L3MBTL3: variants seen among roughly 807,000 people sequenced by gnomAD.
L3MBTL3 encodes the protein L3MBTL histone methyl-lysine binding protein 3, also known as lethal(3)malignant brain tumor-like protein 3.
A neutral mutation model predicts 102.3 loss-of-function variants in L3MBTL3; 27 were observed. The observed-to-expected ratio is 0.26, with a 90% confidence interval of 0.19 to 0.36. L3MBTL3 has a LOEUF of 0.36. Ranked by LOEUF, L3MBTL3 falls within the 10% of genes least tolerant of loss-of-function variation. L3MBTL3 has a pLI of 1.00. For synonymous variants in L3MBTL3, 340 were observed against 320.9 expected, an observed-to-expected ratio of 1.06 and a Z score of -0.64; for missense variants, 798 against 955.3, an observed-to-expected ratio of 0.84 and a Z score of 2.17.
At chr6:130,044,061 A>G (rs1780587980) in intron 3 of L3MBTL3, among the ~76,000 whole-genome samples, 1 of 152,200 alleles carries the variant, frequency 6.6e-6, no homozygotes, top group African/African-American at 2.4e-5. Flanking sequence ...ACATTCTCCA[A>G]ATATTCATCT....
At chr6:130,056,390 A>G (rs1287898239) in intron 8 of L3MBTL3, among the ~76,000 whole-genome samples, 1 of 152,126 alleles carries the variant, frequency 6.6e-6, no homozygotes, top group Non-Finnish European at 1.5e-5. Flanking sequence ...GTCCCCCACA[A>G]GGCTCTATCC....
At chr6:130,118,763 A>G (rs1031015279) in intron 19 of L3MBTL3, among the ~76,000 whole-genome samples, 4 of 152,236 alleles carry the variant, frequency 2.6e-5, no homozygotes, top group Admixed American at 2.6e-4. Context: ...ACATGCTTCT[A>G]TAATGAAGCA....
intron 13 of L3MBTL3, 133 bp from the exon 14 acceptor site, chr6:130,078,425 T>C: frequency 1.8e-6 from 1 of 567,810 alleles, no homozygotes; most frequent in Non-Finnish European, 3.1e-6. Flanking sequence ...TTAGCATTTT[T>C]TTCCAAATTA....
Position 130,133,669 on chromosome 6 carries a change from G to C in L3MBTL3, c.2136+48G>C. ...CCCGACACCAGATACAGGATTACTG[G>C]CTTAAGAGGTGTGGAACATTGAGCG... On this transcript the variant is annotated intron_variant, in intron 21 of 22. Transcript: ENST00000361794. This position sits in a 1 kb window ranked among gnomAD's most constrained non-coding sequence, Gnocchi z 4.9. 5 of 1,600,972 alleles carry C rather than the reference G, an allele frequency of 3.1e-6. No individual in the cohort carries two copies. The highest frequency in any genetic ancestry group is 4.3e-6 in the Non-Finnish European group (5 of 1,172,826).
At chr6:130,075,620 G>T (rs1433443597) in intron 13 of L3MBTL3, among the ~76,000 whole-genome samples, 1 of 152,166 alleles carries the variant, frequency 6.6e-6, no homozygotes, top group Non-Finnish European at 1.5e-5. Flanking sequence ...GAGAAGTTTA[G>T]TGCTGAAGGC....
Position 130,086,182 on chromosome 6 carries a change from G to T in L3MBTL3, c.1450G>T (p.Val484Leu), listed in dbSNP as rs756848548. ...GFQKKMKLEV[V>L]DKRNPMFIRV... ...CCAGAAAAAAATGAAGCTTGAGGTT[G>T]TAGACAAAAGGAACCCTATGTTTAT... is the stretch of plus-strand genomic sequence containing the variant. Residue 484 changes from valine (V) to leucine (L), a missense_variant, in exon 16 of 23, where the codon GTA becomes TTA. By Grantham distance (32) the Val-to-Leu change is conservative. Coordinates refer to ENST00000361794, the MANE Select transcript of L3MBTL3 (RefSeq NM_032438.4). The T allele has an allele frequency of 9.3e-6, 15 of 1,613,144 alleles. No homozygotes were observed. The Admixed American group carries it at 1.7e-4, about 18-fold the overall frequency.
chr6:130,020,077 A>G (rs1193536027), intron 1 of L3MBTL3, among the ~76,000 whole-genome samples: 1 of 145,956 alleles, frequency 6.9e-6, no homozygotes, highest in African/African-American at 2.5e-5. Context: ...CAACTTGTTT[A>G]CGCCTGCCTT....
At chr6:130,052,395 G>A (rs573843438) in intron 6 of L3MBTL3, among the ~76,000 whole-genome samples, 19 of 152,246 alleles carry the variant, frequency 1.2e-4, no homozygotes, top group African/African-American at 4.6e-4. Context: ...GTGAGCCACT[G>A]CGCCCAACTG....
Position 130,139,861 on chromosome 6 carries a change from G to A in L3MBTL3, c.*108G>A. The A allele has an allele frequency of 1.1e-6, 1 of 931,998 alleles. No homozygotes were observed. The highest frequency in any genetic ancestry group is 1.6e-6 in the Non-Finnish European group (1 of 607,044). 57.7% of individuals were successfully genotyped at this position (931,998 alleles called of 1,614,324 possible). A position where few individuals can be genotyped will look rare whatever the true frequency, so the allele number is the denominator to read the frequency against. ...AGTGAGAAGTCTCCAAAACTCAAAA[G>A]AGCAACACTATCGGATTATTTATAT... On this transcript the variant is annotated 3_prime_UTR_variant, in exon 23 of 23. Coordinates refer to ENST00000361794, the MANE Select transcript of L3MBTL3 (RefSeq NM_032438.4).
chr6:130,135,335 A>T (rs1312009559), intron 22 of L3MBTL3, among the ~76,000 whole-genome samples: 2 of 152,202 alleles, frequency 1.3e-5, no homozygotes, highest in South Asian at 2.1e-4. Flanking sequence ...AAGTGCTGAG[A>T]TTACAGACGT....
chr6:130,070,742 G>A (rs7759381), intron 12 of L3MBTL3: 55,495 of 279,134 alleles, frequency 0.2, 7,145 homozygotes, highest in African/African-American at 0.34. Context: ...GGATATTTTC[G>A]TTTTGAGGCC....
At position 130,083,633 on chromosome 6, in the gene L3MBTL3, G is replaced by T. The variant is rs1451029552; in HGVS notation, c.1335G>T (p.Val445=). ...TLITPPGYPN[V]KHFSWDKYLE... ...TTTCTTTCTTAGGTTATCCAAATGT[G>T]AAACATTTTTCTTGGGATAAATACT... The change falls in exon 15 of 23, where the codon GTG becomes GTT. Residue 445 remains valine (V), a synonymous_variant. Transcript: ENST00000361794. 1 of 1,516,130 alleles carries T rather than the reference G, an allele frequency of 6.6e-7. No individual in the cohort carries two copies. Among genetic ancestry groups the T allele is most frequent in the Admixed American group, 2.2e-5 (1 of 46,028 alleles). 93.9% of individuals were successfully genotyped at this position (1,516,130 alleles called of 1,614,324 possible).
At chr6:130,071,561 AATAATT>A in intron 13 of L3MBTL3, among the ~76,000 whole-genome samples, 1 of 152,088 alleles carries the variant, frequency 6.6e-6, no homozygotes, top group Admixed American at 6.5e-5. Flanking sequence ...ATAATTATAA[AATAATT>A]ATAATAAAGC....
At chr6:130,083,061 G>T (rs1783465411) in intron 14 of L3MBTL3, among the ~76,000 whole-genome samples, 1 of 152,170 alleles carries the variant, frequency 6.6e-6, no homozygotes, top group South Asian at 2.1e-4. Context: ...AAAGAGGGCA[G>T]GAGGAAGGAG....
chr6:130,055,562 C>T lies in L3MBTL3; in HGVS notation c.667+307C>T, dbSNP rs555191878. 3.9e-5 allele frequency among the ~76,000 whole-genome samples: 5 copies of T among 127,570 alleles called. No homozygotes were observed. In the East Asian group the frequency reaches 1.3e-3, roughly 34 times the overall value. The allele number at this position is 127,570 out of a possible 152,430, so 83.7% of individuals were successfully genotyped here. A position where few individuals can be genotyped will look rare whatever the true frequency, so the allele number is the denominator to read the frequency against. On this transcript the variant is annotated intron_variant, in intron 8 of 22. Coordinates refer to ENST00000361794, the MANE Select transcript of L3MBTL3 (RefSeq NM_032438.4). ...TCCCTCCCTGTCTCCCTCTCTCCCT[C>T]CCTTTCTCCCTCCCTCCTTCTCTCC...
chr6:130,036,844 G>A (rs1028610361), intron 2 of L3MBTL3, among the ~76,000 whole-genome samples: 5 of 152,152 alleles, frequency 3.3e-5, no homozygotes, highest in African/African-American at 1.2e-4. Flanking sequence ...ATATTCTGGT[G>A]AAAGTAGATT....
intron 20 of L3MBTL3, among the ~76,000 whole-genome samples, chr6:130,121,962 A>G (rs1181800356): frequency 1.3e-5 from 2 of 152,092 alleles, no homozygotes; most frequent in South Asian, 2.1e-4. Context: ...AGGAGAATCA[A>G]TTGAACCTCG....
At chr6:130,049,920 A>G (rs1327076233) in intron 5 of L3MBTL3, 90 bp downstream of exon 5, 2 of 1,472,942 alleles carry the variant, frequency 1.4e-6, no homozygotes, top group African/African-American at 1.4e-5. Flanking sequence ...CCTAACCCAT[A>G]TTTCAGTTGA....
intron 2 of L3MBTL3, among the ~76,000 whole-genome samples, chr6:130,040,216 C>T (rs1318855853): frequency 6.6e-6 from 1 of 151,578 alleles, no homozygotes; most frequent in Non-Finnish European, 1.5e-5. Flanking sequence ...TAATCCCCAG[C>T]TACTGAGGAG....
Sources: allele counts gnomAD v4.1 joint callset (sites outside exome capture counted in the v4.1 genomes callset), GRCh38; gene constraint gnomAD v4.1.1; non-coding constraint Gnocchi (gnomAD v3.1); transcripts MANE v1.5; gene names NCBI Gene and HGNC (gene_info 2026-07-23, HGNC 2026-07-21).